Variants in BCL2L13 observed in about 807,000 individuals in gnomAD.
BCL2L13 encodes the protein bcl-2-like protein 13.
In BCL2L13, 13 loss-of-function variants were observed where a neutral mutation model predicts 25.8. That is an observed-to-expected ratio of 0.50 (90% CI 0.33 to 0.80). The LOEUF is 0.80. BCL2L13 is among the 30% of genes least tolerant of loss of function. The pLI is 0.02. For missense variants in BCL2L13, 504 were observed against 574.9 expected (o/e 0.88, Z 1.26); for synonymous variants, 244 against 230.3 (o/e 1.06, Z -0.54).
intron 2 of BCL2L13, among the ~76,000 whole-genome samples, chr22:17,680,412 G>A (rs572702264): frequency 2.7e-5 from 4 of 148,182 alleles, no homozygotes; most frequent in Non-Finnish European, 5.9e-5. Flanking sequence ...GGGAGGTTGA[G>A]GCAGGAGAAT....
chr22:17,723,635 T>C (rs2061210993), intron 6 of BCL2L13, among the ~76,000 whole-genome samples: 2 of 152,274 alleles, frequency 1.3e-5, no homozygotes, highest in South Asian at 4.1e-4. Context: ...ATCTAAGCAC[T>C]ATAAATACTA....
chr22:17,678,985 C>A (rs2059654296), intron 2 of BCL2L13, among the ~76,000 whole-genome samples: 1 of 152,142 alleles, frequency 6.6e-6, no homozygotes. Context: ...GCTTCATTGT[C>A]CCCACAAGTT....
At chr22:17,693,761 A>C (rs1186482632) in intron 4 of BCL2L13, among the ~76,000 whole-genome samples, 2 of 150,722 alleles carry the variant, frequency 1.3e-5, no homozygotes, top group East Asian at 3.9e-4. Context: ...TTTGAGATGG[A>C]GTTTCGCTCT....
intron 2 of BCL2L13, among the ~76,000 whole-genome samples, chr22:17,666,015 A>G (rs2059220136): frequency 6.6e-6 from 1 of 152,112 alleles, no homozygotes; most frequent in East Asian, 1.9e-4. Flanking sequence ...GGTGAAAAGA[A>G]TATATTTTGT....
At chr22:17,702,940 G>C (rs765732441) in intron 6 of BCL2L13, 1 of 152,018 alleles carries the variant, frequency 6.6e-6, no homozygotes, top group Non-Finnish European at 1.5e-5. Context: ...ATCACCTGAG[G>C]TCAGGAGTTC....
At chr22:17,713,721 A>G (rs1017112758) in intron 6 of BCL2L13, among the ~76,000 whole-genome samples, 2 of 151,588 alleles carry the variant, frequency 1.3e-5, no homozygotes, top group Non-Finnish European at 2.9e-5. Flanking sequence ...CAGCCTCCCA[A>G]AGTGCTGGGA....
At chr22:17,633,041 A>C (rs969576945) in intron 1 of BCL2L13, among the ~76,000 whole-genome samples, 3 of 152,190 alleles carry the variant, frequency 2.0e-5, no homozygotes, top group African/African-American at 7.2e-5. Context: ...GGCATGAGCC[A>C]CTGCGCCTGA....
At chr22:17,669,398 A>G (rs1213179505) in intron 2 of BCL2L13, among the ~76,000 whole-genome samples, 1 of 152,162 alleles carries the variant, frequency 6.6e-6, no homozygotes, top group Non-Finnish European at 1.5e-5. Context: ...GAGGGCCTCA[A>G]ACTGCTTCCA....
intron 6 of BCL2L13, among the ~76,000 whole-genome samples, chr22:17,719,753 C>T (rs1405967960): frequency 1.4e-5 from 2 of 143,148 alleles, no homozygotes; most frequent in African/African-American, 5.2e-5. Context: ...CGCTGGAATC[C>T]GGGAGGCGGA....
In BCL2L13 at chr22:17,727,774, A is replaced by T. The variant is rs2061335982; in HGVS notation, c.*240A>T. On this transcript the variant is annotated 3_prime_UTR_variant, in exon 7 of 7. Coordinates refer to ENST00000317582, the MANE Select transcript of BCL2L13 (RefSeq NM_015367.4). The stretch of plus-strand genomic sequence containing the variant: ...AAATTGAGAATCTTAGGGGTAAAGC[A>T]CCCCCTCCAGGACCGGGTTTCTCAG... 2 of 572,860 alleles carry T rather than the reference A, an allele frequency of 3.5e-6. No homozygotes were observed. Among genetic ancestry groups the T allele is most frequent in the South Asian group, 2.2e-5 (1 of 46,464 alleles). The allele number at this position is 572,860 out of a possible 1,614,324, so 35.5% of individuals were successfully genotyped here.
At chr22:17,639,301 T>G (rs1469813559) in intron 1 of BCL2L13, among the ~76,000 whole-genome samples, 5 of 152,240 alleles carry the variant, frequency 3.3e-5, no homozygotes, top group Non-Finnish European at 5.9e-5. Flanking sequence ...ACTGGAAGAT[T>G]AGCTTTGCCA....
intron 5 of BCL2L13, among the ~76,000 whole-genome samples, chr22:17,700,642 G>T (rs895525538): frequency 6.6e-6 from 1 of 152,070 alleles, no homozygotes; most frequent in Non-Finnish European, 1.5e-5. Context: ...ACAGTTTTTT[G>T]TTTGTTTGTT....
chr22:17,656,227 G>T (rs917114283), intron 2 of BCL2L13, among the ~76,000 whole-genome samples: 1 of 115,686 alleles, frequency 8.6e-6, no homozygotes, highest in Admixed American at 1.1e-4. Flanking sequence ...GCAATAGAGT[G>T]AGACTCCATC....
intron 6 of BCL2L13, among the ~76,000 whole-genome samples, chr22:17,710,673 G>A (rs1379875411): frequency 2.6e-5 from 4 of 151,906 alleles, no homozygotes; most frequent in Middle Eastern, 3.2e-3. Flanking sequence ...TCAGGAGATC[G>A]AGACCATCCT....
intron 1 of BCL2L13, among the ~76,000 whole-genome samples, chr22:17,640,432 C>T (rs932917460): frequency 6.6e-6 from 1 of 152,032 alleles, no homozygotes; most frequent in Admixed American, 6.6e-5. Context: ...TGAAAGATGC[C>T]TAAGGCTATA....
At chr22:17,704,315 C>T (rs969190537) in intron 6 of BCL2L13, among the ~76,000 whole-genome samples, 4 of 151,836 alleles carry the variant, frequency 2.6e-5, no homozygotes, top group Non-Finnish European at 4.4e-5. Flanking sequence ...AAACTCCTGG[C>T]CTCAAGTGAT....
chr22:17,640,176 C>T (rs1260219005), intron 1 of BCL2L13, among the ~76,000 whole-genome samples: 3 of 151,576 alleles, frequency 2.0e-5, no homozygotes, highest in Admixed American at 2.0e-4. Flanking sequence ...CAACCACCCC[C>T]GCGCCACCGC....
At chr22:17,706,888 T>C in intron 6 of BCL2L13, 2 of 1,264,284 alleles carry the variant, frequency 1.6e-6, no homozygotes, top group Admixed American at 1.9e-5. Flanking sequence ...AAAGATTTAC[T>C]TTTAGATTCC....
intron 6 of BCL2L13, among the ~76,000 whole-genome samples, chr22:17,709,909 T>A (rs969448323): frequency 6.6e-6 from 1 of 150,746 alleles, no homozygotes; most frequent in Non-Finnish European, 1.5e-5. Context: ...TGAGAGCCCA[T>A]CTCTACAAAA....
Sources: gnomAD v4.1 joint callset for allele counts (sites outside exome capture counted in the v4.1 genomes callset) on GRCh38, gnomAD v4.1.1 for gene constraint, MANE v1.5 for transcripts, NCBI Gene and HGNC (gene_info 2026-07-23, HGNC 2026-07-21) for gene names.